Variants in ITGAM observed in about 807,000 individuals in gnomAD.
The protein encoded by ITGAM is integrin alpha-M.
ITGAM carries 79 observed loss-of-function variants against 137.5 expected under a neutral mutation model. The observed-to-expected ratio is 0.57, with a 90% CI of 0.48 to 0.69. The LOEUF (loss-of-function observed/expected upper bound fraction) is 0.69, where lower values mean the gene tolerates loss of function less well. Ranked by LOEUF, ITGAM falls within the 30% of genes least tolerant of loss-of-function variation. ITGAM has a pLI of 0.00. For missense variants in ITGAM, 1,343 were observed against 1,483.5 expected, an observed-to-expected ratio of 0.91 and a Z score of 1.56; for synonymous variants, 583 against 592.3, an observed-to-expected ratio of 0.98 and a Z score of 0.23.
intron 14 of ITGAM, among the ~76,000 whole-genome samples, chr16:31,314,296 A>G (rs1390300944): frequency 6.6e-6 from 1 of 152,002 alleles, no homozygotes; most frequent in South Asian, 2.1e-4. Context: ...AGTAAGGAAG[A>G]TTTTGCCCAT....
At chr16:31,304,862 C>G in intron 14 of ITGAM, among the ~76,000 whole-genome samples, 1 of 152,082 alleles carries the variant, frequency 6.6e-6, no homozygotes, top group Non-Finnish European at 1.5e-5. Flanking sequence ...GTAACTATAG[C>G]CTTGTAGTAT....
chr16:31,294,859 C>A (rs2080118322), intron 12 of ITGAM, among the ~76,000 whole-genome samples: 1 of 151,982 alleles, frequency 6.6e-6, no homozygotes. Context: ...AGTTTCAGGT[C>A]TTGTGTTTAA....
At chr16:31,291,677 A>G (rs1453973140) in intron 12 of ITGAM, among the ~76,000 whole-genome samples, 1 of 152,106 alleles carries the variant, frequency 6.6e-6, no homozygotes, top group Non-Finnish European at 1.5e-5. Context: ...TAAGTAAAAC[A>G]ACCCGGGCAC....
chr16:31,307,238 A>G (rs1040441701), intron 14 of ITGAM, among the ~76,000 whole-genome samples: 4 of 152,186 alleles, frequency 2.6e-5, no homozygotes, highest in Non-Finnish European at 5.9e-5. Context: ...TACCTTGGGC[A>G]GTATGGCCAT....
At chr16:31,297,473 A>G in intron 12 of ITGAM, 41 bp from the exon 13 acceptor site, 1 of 1,609,956 alleles carries the variant, frequency 6.2e-7, no homozygotes, top group Admixed American at 1.7e-5. Flanking sequence ...CATCTGCTTT[A>G]GGTGGGAAGA....
In ITGAM at chr16:31,272,422, ACTAT is replaced by A. The variant is rs1304740868; in HGVS notation, c.704+431_704+434del. On this transcript the variant is annotated intron_variant, in intron 7 of 29. Transcript: ENST00000544665. ...GGAGAGGTTTCCTGAAGGCCAATTA[ACTAT>A]ATATATATATATATATATATATATA... 4.6e-3 allele frequency among the ~76,000 whole-genome samples: 227 copies of A among 48,944 alleles called. 7 individuals are homozygous for A. Among genetic ancestry groups the A allele is most frequent in the African/African-American group, 0.012 (164 of 13,648 alleles). 32.1% of individuals were successfully genotyped at this position (48,944 alleles called of 152,430 possible). A position where few individuals can be genotyped will look rare whatever the true frequency, so the allele number is the denominator to read the frequency against.
intron 16 of ITGAM, among the ~76,000 whole-genome samples, chr16:31,323,196 C>T (rs1228320785): frequency 2.6e-5 from 4 of 151,942 alleles, no homozygotes; most frequent in Non-Finnish European, 5.9e-5. Context: ...CTTTGGGAGG[C>T]CGAGGCAGGT....
intron 14 of ITGAM, among the ~76,000 whole-genome samples, chr16:31,312,948 A>T: frequency 6.7e-6 from 1 of 150,174 alleles, no homozygotes. Flanking sequence ...GGCCAGGCAC[A>T]GTGGCTCATG....
Position 31,259,984 on chromosome 16 carries a change from C to T in ITGAM, c.-81C>T. ...ACTTCTCCTTTTCTGCCCTTCTTTG[C>T]TTTGGTGGCTTCCTTGTGGTTCCTC... On this transcript the variant is annotated 5_prime_UTR_variant, in exon 1 of 30. Transcript: ENST00000544665. 1 of 1,243,062 alleles carries T rather than the reference C, an allele frequency of 8.0e-7. No individual in the cohort carries two copies. The highest frequency in any genetic ancestry group is 1.2e-6 in the Non-Finnish European group (1 of 864,072). The allele number at this position is 1,243,062 out of a possible 1,614,324, so 77.0% of individuals were successfully genotyped here. A position where few individuals can be genotyped will look rare whatever the true frequency, so the allele number is the denominator to read the frequency against.
chr16:31,305,660 T>C (rs1291742997), intron 14 of ITGAM, among the ~76,000 whole-genome samples: 1 of 152,198 alleles, frequency 6.6e-6, no homozygotes, highest in Non-Finnish European at 1.5e-5. Flanking sequence ...GAAAGCCTTT[T>C]TTTAATCATA....
intron 5 of ITGAM, among the ~76,000 whole-genome samples, chr16:31,270,257 G>A (rs1201738077): frequency 1.3e-5 from 2 of 149,816 alleles, no homozygotes; most frequent in African/African-American, 2.5e-5. Flanking sequence ...GCAGTGGTGC[G>A]ATCTCAGCTA....
At chr16:31,266,213 G>A (rs2079766100) in intron 5 of ITGAM, 66 bp downstream of exon 5, 1 of 1,121,168 alleles carries the variant, frequency 8.9e-7, no homozygotes, top group African/African-American at 1.5e-5. Flanking sequence ...CAGGACTGAG[G>A]TGACGTCTGC....
At chr16:31,297,397 A>G (rs1036054524) in intron 12 of ITGAM, 117 bp from the exon 13 acceptor site, 54 of 1,314,416 alleles carry the variant, frequency 4.1e-5, no homozygotes, top group Non-Finnish European at 5.6e-5. Flanking sequence ...CATATAGAAG[A>G]TCACATCTGC....
At chr16:31,301,740 A>G (rs2080199478) in intron 14 of ITGAM, among the ~76,000 whole-genome samples, 1 of 152,216 alleles carries the variant, frequency 6.6e-6, no homozygotes, top group African/African-American at 2.4e-5. Flanking sequence ...TATCACTCCT[A>G]AATTTCCCTA....
Position 31,297,902 on chromosome 16 carries a change from T to C in ITGAM, c.1655T>C (p.Val552Ala), listed in dbSNP as rs774754056. The change falls in exon 14 of 30, where the codon GTT becomes GCT. Residue 552 changes from valine (V) to alanine (A), a missense_variant. Physicochemically the swap from Val to Ala is moderately conservative, Grantham distance 64 (BLOSUM62 0). Coordinates refer to ENST00000544665, the MANE Select transcript of ITGAM (RefSeq NM_000632.4). ...GGAGAGGAGGACAACCGGGGTGCTG[T>C]TTACCTGTTTCACGGAACCTCAGGA... is the stretch of plus-strand genomic sequence containing the variant. ...APGEEDNRGA[V>A]YLFHGTSGSG... The C allele has an allele frequency of 6.2e-6, 10 of 1,613,710 alleles. No individual in the cohort carries two copies. Among genetic ancestry groups the C allele is most frequent in the Admixed American group, 1.7e-5 (1 of 59,918 alleles).
chr16:31,275,515 A>G (rs1287240846), intron 8 of ITGAM, 34 bp from the exon 9 acceptor site: 2 of 1,608,216 alleles, frequency 1.2e-6, no homozygotes, highest in Non-Finnish European at 8.5e-7. Context: ...TGCTAGCCTC[A>G]CACCATGATT....
intron 23 of ITGAM, among the ~76,000 whole-genome samples, chr16:31,328,808 GTC>G (rs2080541045): frequency 3.4e-5 from 5 of 144,966 alleles, no homozygotes; most frequent in Non-Finnish European, 6.0e-5. Context: ...GTGTGTGAAG[GTC>G]TATGTGCATG....
At chr16:31,312,509 C>G (rs2080345028) in intron 14 of ITGAM, among the ~76,000 whole-genome samples, 1 of 152,128 alleles carries the variant, frequency 6.6e-6, no homozygotes, top group Non-Finnish European at 1.5e-5. Flanking sequence ...TCACTGCAGC[C>G]TTGACCTCCC....
chr16:31,303,798 A>G (rs2080239366), intron 14 of ITGAM, among the ~76,000 whole-genome samples: 1 of 152,134 alleles, frequency 6.6e-6, no homozygotes, highest in South Asian at 2.1e-4. Flanking sequence ...GCTGGGTAGT[A>G]CTCTGTGTAT....
Sources: gnomAD v4.1 joint callset for allele counts (sites outside exome capture counted in the v4.1 genomes callset) on GRCh38, gnomAD v4.1.1 for gene constraint, MANE v1.5 for transcripts, NCBI Gene and HGNC (gene_info 2026-07-23, HGNC 2026-07-21) for gene names.